Variants in DNASE1L3 observed in about 807,000 individuals in gnomAD.
DNASE1L3 encodes deoxyribonuclease gamma.
A neutral mutation model predicts 30.9 loss-of-function variants in DNASE1L3; 27 were observed. That is an observed-to-expected ratio of 0.87 (90% CI 0.64 to 1.20). DNASE1L3 has a LOEUF of 1.20. DNASE1L3 is among the 50% of genes most tolerant of loss of function. DNASE1L3 has a pLI of 0.00. For synonymous variants in DNASE1L3, 135 were observed against 138.0 expected (o/e 0.98, Z 0.15); for missense variants, 364 against 378.2 (o/e 0.96, Z 0.31).
rs115054669 is a variant in DNASE1L3, at chr3:58,203,925, A to C, written c.433+844T>G. Among the ~76,000 whole-genome samples, 280 of 152,242 alleles carry C rather than the reference A, an allele frequency of 1.8e-3. 1 individual carries two copies. The highest frequency in any genetic ancestry group is 0.018 in the South Asian group (87 of 4,820). ...TTAAACCTCAGTTTCCTGAAATGTA[A>C]AGTGGAGATAATCCTACTCCCTACC... On this transcript the variant is annotated intron_variant, in intron 4 of 7. Transcript: ENST00000394549.
intron 2 of DNASE1L3, 76 bp downstream of exon 2, chr3:58,208,142 T>G (rs886073744): frequency 1.0e-5 from 15 of 1,434,074 alleles, no homozygotes; most frequent in Non-Finnish European, 1.4e-5. Context: ...CTCACATTAC[T>G]TTCAGTTCCC....
At chr3:58,201,864 G>A (rs950357100) in intron 4 of DNASE1L3, among the ~76,000 whole-genome samples, 1 of 152,190 alleles carries the variant, frequency 6.6e-6, no homozygotes, top group African/African-American at 2.4e-5. Flanking sequence ...CACCCTTTCT[G>A]CAGAAAGTAA....
intron 2 of DNASE1L3, among the ~76,000 whole-genome samples, chr3:58,205,955 C>A (rs2097403639): frequency 6.6e-6 from 1 of 152,248 alleles, no homozygotes; most frequent in Non-Finnish European, 1.5e-5. Flanking sequence ...CCCATGGCTG[C>A]AGCTGCAGCT....
chr3:58,206,173 A>G (rs550575181), intron 2 of DNASE1L3, among the ~76,000 whole-genome samples: 39 of 152,134 alleles, frequency 2.6e-4, no homozygotes, highest in African/African-American at 9.4e-4. Context: ...CTTGCCCCTC[A>G]CCTGCACCAG....
At position 58,192,668 on chromosome 3, in the gene DNASE1L3, T is replaced by C. The variant is rs1186199699; in HGVS notation, c.*19A>G. 5 of 1,604,882 alleles carry C rather than the reference T, an allele frequency of 3.1e-6. No individual in the cohort carries two copies. Among genetic ancestry groups the C allele is most frequent in the South Asian group, 2.2e-5 (2 of 89,518 alleles). On this transcript the variant is annotated 3_prime_UTR_variant, in exon 8 of 8. Coordinates refer to ENST00000394549, the MANE Select transcript of DNASE1L3 (RefSeq NM_004944.4). The surrounding 1 kb of genome is among the most constrained non-coding windows in gnomAD (Gnocchi z 4.8). ...TTATTTAGAGGCAAGAAATGGTTAA[T>C]AAGATGAGACCCTTGGGTCTAGGAG...
Position 58,204,870 on chromosome 3 carries a change from A to C in DNASE1L3, c.332T>G (p.Val111Gly). ...QYAFLYKEKL[V>G]SVKRSYHYHD... ...GTAGTGATAACTCCTCTTCACAGAC[A>C]CCAGCTTTTCCCTATAAGAAGGAAA... The change falls in exon 4 of 8, where the codon GTG (valine) becomes GGG (glycine). Residue 111 changes from valine (V) to glycine (G), a missense_variant. Physicochemically the swap from Val to Gly is moderately radical, Grantham distance 109. Coordinates refer to ENST00000394549, the MANE Select transcript of DNASE1L3 (RefSeq NM_004944.4). 6.2e-7 allele frequency: 1 copy of C among 1,614,114 alleles called. No homozygotes were observed. The highest frequency in any genetic ancestry group is 8.5e-7 in the Non-Finnish European group (1 of 1,180,002).
chr3:58,209,767 A>C (rs1305256166), intron 1 of DNASE1L3, among the ~76,000 whole-genome samples: 2 of 152,152 alleles, frequency 1.3e-5, no homozygotes, highest in African/African-American at 4.8e-5. Flanking sequence ...CTGGTGGTTC[A>C]GGGAGGGGCA....
chr3:58,209,065 C>T (rs894446098), intron 1 of DNASE1L3, among the ~76,000 whole-genome samples: 7 of 152,178 alleles, frequency 4.6e-5, no homozygotes, highest in Non-Finnish European at 8.8e-5. Flanking sequence ...CATGGTGAAA[C>T]CCGCCTCTAC....
At chr3:58,195,613 CAAA>C (rs34773952) in intron 6 of DNASE1L3, among the ~76,000 whole-genome samples, 4 of 38,446 alleles carry the variant, frequency 1.0e-4, no homozygotes, top group Non-Finnish European at 1.5e-4. Context: ...ACTAAAATTA[CAAA>C]AAAAAAAAAA....
At chr3:58,202,149 CTT>C (rs771675575) in intron 4 of DNASE1L3, among the ~76,000 whole-genome samples, 10 of 138,476 alleles carry the variant, frequency 7.2e-5, no homozygotes, top group Non-Finnish European at 6.3e-5. Flanking sequence ...TAAAGGTTTC[CTT>C]TTTTTTTTTT....
At chr3:58,204,932 T>C (rs779463907) in intron 3 of DNASE1L3, 51 bp from the exon 4 acceptor site, 6 of 1,549,472 alleles carry the variant, frequency 3.9e-6, no homozygotes. Flanking sequence ...CTTTTCTTAC[T>C]ACTTTCATGA....
chr3:58,193,427 T>A lies in DNASE1L3; in HGVS notation c.717A>T (p.Arg239Ser). The A allele has an allele frequency of 1.2e-6, 2 of 1,613,162 alleles. No homozygotes were observed. The highest frequency in any genetic ancestry group is 1.7e-6 in the Non-Finnish European group (2 of 1,179,204). Residue 239 changes from arginine (R) to serine (S), a missense_variant, in exon 7 of 8, where the codon AGA becomes AGT. Transcript: ENST00000394549. The part of the protein sequence containing the change: ...TNCAYDRIVL[R>S]GQEIVSSVVP... ...CAACAGAACTGACGATTTCTTGTCC[T>A]CTAAGCACAATCCTGGAACAAGGGG...
chr3:58,202,319 T>A (rs1203883224), intron 4 of DNASE1L3, among the ~76,000 whole-genome samples: 7 of 9,998 alleles, frequency 7.0e-4, no homozygotes, highest in Non-Finnish European at 1.6e-3. Context: ...CTAGCTTTGT[T>A]TTTTTTTTTT....
At chr3:58,206,778 A>G (rs1442074876) in intron 2 of DNASE1L3, among the ~76,000 whole-genome samples, 2 of 152,260 alleles carry the variant, frequency 1.3e-5, no homozygotes, top group Non-Finnish European at 2.9e-5. Flanking sequence ...GAAGGCTGAG[A>G]TGACAAAGAA....
rs766403830 is a variant in DNASE1L3 at position 58,210,949 on chromosome 3, G to A, written c.-43C>T. ...TTCAAGACTCTGTGAGAAGACAGCA[G>A]TGCTTGGAGTGCTGGATTCTGGCCA... On this transcript the variant is annotated 5_prime_UTR_variant, in exon 1 of 8. Coordinates refer to ENST00000394549, the MANE Select transcript of DNASE1L3 (RefSeq NM_004944.4). 3 of 1,606,442 alleles carry A rather than the reference G, an allele frequency of 1.9e-6. No individual in the cohort carries two copies. In the South Asian group the frequency reaches 3.3e-5, roughly 18 times the overall value.
intron 2 of DNASE1L3, among the ~76,000 whole-genome samples, chr3:58,206,658 A>G (rs542026683): frequency 1.6e-4 from 25 of 151,776 alleles, no homozygotes; most frequent in African/African-American, 6.1e-4. Flanking sequence ...TGGTGAAAAG[A>G]CTCGCCCCAG....
intron 1 of DNASE1L3, 48 bp downstream of exon 1, chr3:58,210,718 G>C: frequency 3.7e-6 from 6 of 1,612,608 alleles, no homozygotes; most frequent in Non-Finnish European, 5.1e-6. Flanking sequence ...AGACAGGAGA[G>C]AGGGTGTGAG....
intron 4 of DNASE1L3, among the ~76,000 whole-genome samples, chr3:58,201,616 G>T (rs2097400584): frequency 6.6e-6 from 1 of 152,198 alleles, no homozygotes; most frequent in Non-Finnish European, 1.5e-5. Context: ...CCAGCTCACA[G>T]CCTTTGCCCC....
At chr3:58,196,388 C>CA (rs546028723) in intron 6 of DNASE1L3, among the ~76,000 whole-genome samples, 8,633 of 125,044 alleles carry the variant, frequency 0.069, 319 homozygotes, top group Middle Eastern at 0.14. Context: ...ACTAAAAATA[C>CA]AAAAAAAAAA....
Sources: allele counts gnomAD v4.1 joint callset (sites outside exome capture counted in the v4.1 genomes callset), GRCh38; gene constraint gnomAD v4.1.1; non-coding constraint Gnocchi (gnomAD v3.1); transcripts MANE v1.5; gene names NCBI Gene and HGNC (gene_info 2026-07-23, HGNC 2026-07-21).